GAD2: variants seen among roughly 807,000 people sequenced by gnomAD.
The protein encoded by GAD2 is 65 kDa glutamic acid decarboxylase.
Under a neutral mutation model 80.1 loss-of-function variants are expected in GAD2, and 22 were observed. The observed-to-expected ratio is 0.27, with a 90% CI of 0.20 to 0.39. GAD2 has a LOEUF of 0.39. Ranked by LOEUF, GAD2 falls within the 10% of genes least tolerant of loss-of-function variation. The pLI is 1.00. For synonymous variants in GAD2, 274 were observed against 256.9 expected (o/e 1.07, Z -0.64); for missense variants, 624 against 738.4 (o/e 0.85, Z 1.80).
chr10:26,233,968 G>T (rs1315051351), intron 7 of GAD2, among the ~76,000 whole-genome samples: 1 of 152,146 alleles, frequency 6.6e-6, no homozygotes, highest in Non-Finnish European at 1.5e-5. Flanking sequence ...GAGCCTTATA[G>T]AACTTGTGCC....
At chr10:26,251,881 T>A (rs934278826) in intron 8 of GAD2, among the ~76,000 whole-genome samples, 2 of 152,226 alleles carry the variant, frequency 1.3e-5, no homozygotes, top group African/African-American at 4.8e-5. Flanking sequence ...CCCTAATGGT[T>A]TAAGTGACAT....
In GAD2 at chr10:26,260,346, C is replaced by T. The variant is rs535363878; in HGVS notation, c.921-8773C>T. Among the ~76,000 whole-genome samples the T allele has an allele frequency of 1.0e-3, 154 of 152,046 alleles. 2 individuals carry two copies. Among genetic ancestry groups the T allele is most frequent in the Non-Finnish European group, 1.8e-3 (119 of 67,996 alleles). On this transcript the variant is annotated intron_variant, in intron 8 of 15. Coordinates refer to ENST00000376261, the MANE Select transcript of GAD2 (RefSeq NM_001134366.2). ...TTGTATTATTTTCTTAAAATAACTT[C>T]CGGCTGGGTACATGGCTCACCCCTG...
At chr10:26,273,801 C>T in intron 11 of GAD2, 101 bp downstream of exon 11, 2 of 939,134 alleles carry the variant, frequency 2.1e-6, no homozygotes, top group Non-Finnish European at 3.4e-6. Flanking sequence ...ACTGAGTGAA[C>T]TCACTCTATT....
intron 7 of GAD2, among the ~76,000 whole-genome samples, chr10:26,236,977 G>T (rs1844679675): frequency 6.6e-6 from 1 of 152,190 alleles, no homozygotes; most frequent in Non-Finnish European, 1.5e-5. Flanking sequence ...GCCTCTCCTG[G>T]GGATATTCCC....
rs750530679 is a variant in GAD2, at chr10:26,216,781, C to T, written c.-29C>T. 6.3e-7 allele frequency: 1 copy of T among 1,596,642 alleles called. No homozygotes were observed. The highest frequency in any genetic ancestry group is 1.4e-5 in the African/African-American group (1 of 73,094). On this transcript the variant is annotated 5_prime_UTR_variant, in exon 1 of 16. Coordinates refer to ENST00000376261, the MANE Select transcript of GAD2 (RefSeq NM_001134366.2). The surrounding 1 kb of genome is among the most constrained non-coding windows in gnomAD (Gnocchi z 4.7). ...GCAGCTCGCCCGCAGCTCGCACTCG[C>T]AGGCGACCTGCTCCAGTCTCCAAAG... is the stretch of plus-strand genomic sequence containing the variant.
intron 6 of GAD2, among the ~76,000 whole-genome samples, chr10:26,226,838 G>T (rs190187885): frequency 7.2e-5 from 11 of 152,182 alleles, no homozygotes; most frequent in Admixed American, 7.2e-4. Context: ...CCTACACTGG[G>T]AACCAGAGAA....
chr10:26,262,831 T>C (rs950554789), intron 8 of GAD2, among the ~76,000 whole-genome samples: 1 of 151,432 alleles, frequency 6.6e-6, no homozygotes, highest in Non-Finnish European at 1.5e-5. Context: ...CATGATAACT[T>C]GAACCTTTTA....
intron 8 of GAD2, among the ~76,000 whole-genome samples, chr10:26,267,957 C>T (rs370165187): frequency 4.6e-5 from 7 of 152,148 alleles, no homozygotes; most frequent in African/African-American, 1.7e-4. Flanking sequence ...TGTCTAGACT[C>T]ACAGGGAGAG....
At chr10:26,235,704 T>C (rs894172064) in intron 7 of GAD2, among the ~76,000 whole-genome samples, 11 of 152,188 alleles carry the variant, frequency 7.2e-5, no homozygotes, top group Non-Finnish European at 1.5e-4. Context: ...TCTTCAGTCA[T>C]ACAAAGGCTT....
chr10:26,257,536 G>T (rs566760411), intron 8 of GAD2, among the ~76,000 whole-genome samples: 3 of 152,150 alleles, frequency 2.0e-5, no homozygotes, highest in African/African-American at 4.8e-5. Flanking sequence ...TGACCAAGAC[G>T]CATGATACCT....
In GAD2 at chr10:26,217,461, G is replaced by A; in HGVS notation, c.77-149G>A. 1.3e-6 allele frequency: 1 copy of A among 762,998 alleles called. No individual in the cohort carries two copies. The highest frequency in any genetic ancestry group is 2.2e-6 in the Non-Finnish European group (1 of 448,686). 47.3% of individuals were successfully genotyped at this position (762,998 alleles called of 1,614,324 possible). A position where few individuals can be genotyped will look rare whatever the true frequency, so the allele number is the denominator to read the frequency against. ...CTCCCGCTTGCCTTCTGCACCTGCC[G>A]GCCTCACCGAGTCCTGAGCGGCCCC... On this transcript the variant is annotated intron_variant, in intron 1 of 15. Transcript: ENST00000376261. This position sits in a 1 kb window ranked among gnomAD's most constrained non-coding sequence, Gnocchi z 4.9.
intron 15 of GAD2, among the ~76,000 whole-genome samples, chr10:26,299,540 G>A (rs1044978234): frequency 6.6e-6 from 1 of 152,180 alleles, no homozygotes; most frequent in Non-Finnish European, 1.5e-5. Context: ...TTCCTAGATA[G>A]CTGTTTCTAT....
intron 15 of GAD2, among the ~76,000 whole-genome samples, chr10:26,294,211 C>A (rs1163533738): frequency 6.6e-6 from 1 of 152,148 alleles, no homozygotes; most frequent in African/African-American, 2.4e-5. Flanking sequence ...CTGCCAAGAG[C>A]CCCGCAGGCT....
chr10:26,258,852 C>T (rs1399773476), intron 8 of GAD2, among the ~76,000 whole-genome samples: 1 of 151,080 alleles, frequency 6.6e-6, no homozygotes, highest in Non-Finnish European at 1.5e-5. Context: ...CTCACTCTGT[C>T]ACCGAGGCTG....
intron 15 of GAD2, among the ~76,000 whole-genome samples, chr10:26,298,672 G>A (rs941517649): frequency 6.6e-6 from 1 of 152,132 alleles, no homozygotes; most frequent in African/African-American, 2.4e-5. Context: ...TATTTTATCA[G>A]TTCTAAAGGG....
intron 7 of GAD2, among the ~76,000 whole-genome samples, chr10:26,243,556 A>C (rs181212020): frequency 6.6e-5 from 10 of 152,314 alleles, no homozygotes; most frequent in South Asian, 2.1e-4. Flanking sequence ...CAGCTCTCCA[A>C]ATGGCACGGT....
chr10:26,287,013 G>A (rs919298768), intron 13 of GAD2, among the ~76,000 whole-genome samples: 5 of 152,158 alleles, frequency 3.3e-5, no homozygotes, highest in Non-Finnish European at 5.9e-5. Context: ...TAGATTCTGA[G>A]TTTCCCTCTG....
At chr10:26,281,934 A>T (rs970335668) in intron 12 of GAD2, among the ~76,000 whole-genome samples, 1 of 152,048 alleles carries the variant, frequency 6.6e-6, no homozygotes, top group Non-Finnish European at 1.5e-5. Context: ...TTAAATGTTG[A>T]TCTTCATTTA....
intron 7 of GAD2, among the ~76,000 whole-genome samples, chr10:26,234,264 C>T (rs566668891): frequency 6.7e-6 from 1 of 148,788 alleles, no homozygotes. Flanking sequence ...GCAGAGGTTG[C>T]AGTAAGCCAA....
Sources: gnomAD v4.1 joint callset for allele counts (sites outside exome capture counted in the v4.1 genomes callset) on GRCh38, gnomAD v4.1.1 for gene constraint, Gnocchi (gnomAD v3.1) non-coding constraint, MANE v1.5 for transcripts, NCBI Gene and HGNC (gene_info 2026-07-23, HGNC 2026-07-21) for gene names.